ABCB10: variants seen among roughly 807,000 people sequenced by gnomAD.
ABCB10 encodes the protein ATP-binding cassette sub-family B member 10, mitochondrial.
Under a neutral mutation model 65.4 loss-of-function variants are expected in ABCB10, and 54 were observed. The observed-to-expected ratio is 0.83, with a 90% CI of 0.66 to 1.04. The LOEUF (loss-of-function observed/expected upper bound fraction) is 1.04. Ranked by LOEUF, ABCB10 falls within the 50% of genes least tolerant of loss-of-function variation. The pLI is 0.00. For missense variants in ABCB10, 846 were observed against 976.6 expected (o/e 0.87, Z 1.78); for synonymous variants, 418 against 406.5 (o/e 1.03, Z -0.34).
chr1:229,527,141 G>C, intron 9 of ABCB10, 88 bp downstream of exon 9: 1 of 1,240,622 alleles, frequency 8.1e-7, no homozygotes, highest in Non-Finnish European at 1.1e-6. Context: ...CTTCTCTCTT[G>C]AGAAGTTCGA....
In ABCB10 at chr1:229,526,132, A is replaced by G. The variant is rs1662438643; in HGVS notation, c.1726-16T>C. 6.2e-7 allele frequency: 1 copy of G among 1,601,578 alleles called. No individual in the cohort carries two copies. Among genetic ancestry groups the G allele is most frequent in the Non-Finnish European group, 8.5e-7 (1 of 1,174,040 alleles). ...AAATGGGTTCCTACAAATTGGAAAT[A>G]AAACATATCACGAATTTCAAACAGA... On this transcript the variant is annotated splice_polypyrimidine_tract_variant and intron_variant, in intron 9 of 12. Transcript: ENST00000344517.
intron 11 of ABCB10, among the ~76,000 whole-genome samples, chr1:229,519,951 C>T (rs1662265271): frequency 6.6e-6 from 1 of 151,918 alleles, no homozygotes; most frequent in Admixed American, 6.6e-5. Flanking sequence ...AATAGCAAGA[C>T]CCCATCTCTA....
At chr1:229,553,048 T>C (rs1318156133) in intron 1 of ABCB10, among the ~76,000 whole-genome samples, 1 of 151,900 alleles carries the variant, frequency 6.6e-6, no homozygotes, top group Non-Finnish European at 1.5e-5. Context: ...AGCCTCTAGA[T>C]TATAGAACAG....
chr1:229,549,040 G>T (rs12030329), intron 2 of ABCB10, among the ~76,000 whole-genome samples, 194 bp downstream of exon 2: 1 of 152,168 alleles, frequency 6.6e-6, no homozygotes, highest in Non-Finnish European at 1.5e-5. Context: ...AAGAAGAGTT[G>T]AGAGTGCTTG....
At chr1:229,539,229 A>T (rs550908288) in intron 6 of ABCB10, among the ~76,000 whole-genome samples, 1 of 152,350 alleles carries the variant, frequency 6.6e-6, no homozygotes, top group Admixed American at 6.5e-5. Flanking sequence ...GAGCTATAAG[A>T]GGCCTGCAAA....
At chr1:229,556,286 C>T (rs548498855) in intron 1 of ABCB10, among the ~76,000 whole-genome samples, 126 of 151,762 alleles carry the variant, frequency 8.3e-4, no homozygotes, top group Non-Finnish European at 1.5e-3. Context: ...GCAGGAAGAT[C>T]GCTTGAACCC....
chr1:229,544,716 TGGA>T (rs1266873852), intron 3 of ABCB10, among the ~76,000 whole-genome samples: 1 of 152,200 alleles, frequency 6.6e-6, no homozygotes, highest in Non-Finnish European at 1.5e-5. Flanking sequence ...TGGCTGTATT[TGGA>T]GATGGGGCCT....
chr1:229,524,809 A>T (rs1429724077), intron 10 of ABCB10, among the ~76,000 whole-genome samples: 1 of 152,124 alleles, frequency 6.6e-6, no homozygotes, highest in Non-Finnish European at 1.5e-5. Context: ...GCACACACAC[A>T]CAAAGAAGGA....
At chr1:229,539,337 T>G in intron 6 of ABCB10, 119 bp downstream of exon 6, 1 of 1,434,784 alleles carries the variant, frequency 7.0e-7, no homozygotes, top group Non-Finnish European at 9.7e-7. Flanking sequence ...ATAATAACAT[T>G]CTAGGAAATG....
intron 6 of ABCB10, among the ~76,000 whole-genome samples, chr1:229,533,160 G>C (rs1023017505): frequency 1.3e-5 from 2 of 150,814 alleles, no homozygotes. Flanking sequence ...ATTTTTTTTT[G>C]AGACGGAGTC....
At chr1:229,521,549 A>G in intron 11 of ABCB10, 43 bp downstream of exon 11, 6 of 1,557,826 alleles carry the variant, frequency 3.9e-6, no homozygotes, top group Non-Finnish European at 5.2e-6. Flanking sequence ...CCTAATAAAA[A>G]TAATCCCTAA....
chr1:229,527,115 C>T (rs780128114), intron 9 of ABCB10, 114 bp downstream of exon 9: 59 of 1,010,880 alleles, frequency 5.8e-5, no homozygotes, highest in Non-Finnish European at 8.0e-5. Context: ...TTAATACATC[C>T]CAAAGACTTC....
chr1:229,529,873 G>C (rs867357393), intron 8 of ABCB10, among the ~76,000 whole-genome samples: 26 of 152,172 alleles, frequency 1.7e-4, no homozygotes, highest in Middle Eastern at 6.8e-3. Context: ...TGGCTGCTGA[G>C]CACAGCCTCG....
At chr1:229,534,235 C>A (rs570656839) in intron 6 of ABCB10, among the ~76,000 whole-genome samples, 46 of 152,284 alleles carry the variant, frequency 3.0e-4, no homozygotes, top group African/African-American at 1.1e-3. Context: ...TACCATGCAT[C>A]TATCAGAATG....
rs12092100 is a variant in ABCB10, at chr1:229,533,299, T to C, written c.1340-1568A>G. Among the ~76,000 whole-genome samples, 1,373 of 152,116 alleles carry C rather than the reference T, an allele frequency of 9.0e-3. 21 individuals are homozygous for C. Among genetic ancestry groups the C allele is most frequent in the African/African-American group, 0.031 (1,294 of 41,468 alleles). Reference sequence around the variant, plus strand: ...CCACCATGCCTGGCTAATCTTTGTATTTTTAGTAGAGATGGGGTTTCACCA... The same window carrying C: ...CCACCATGCCTGGCTAATCTTTGTACTTTTAGTAGAGATGGGGTTTCACCA... On this transcript the variant is annotated intron_variant, in intron 6 of 12. Transcript: ENST00000344517.
At position 229,547,609 on chromosome 1, in the gene ABCB10, A is replaced by G. The variant is rs766549238; in HGVS notation, c.811T>C (p.Leu271=). ...AFFDKTRTGE[L]INRLSSDTAL... ...GTGTCTGATGAGAGGCGGTTAATCAATTCTCCTGTGCGAGTCTTGTCAAAG... is the reference window on the plus strand; with the variant it reads ...GTGTCTGATGAGAGGCGGTTAATCAGTTCTCCTGTGCGAGTCTTGTCAAAG... The change falls in exon 3 of 13, where the codon TTG becomes CTG. Residue 271 remains leucine, a synonymous_variant. Coordinates refer to ENST00000344517, the MANE Select transcript of ABCB10 (RefSeq NM_012089.3). 9 of 1,614,094 alleles carry G rather than the reference A, an allele frequency of 5.6e-6. No individual in the cohort carries two copies. In the South Asian group the frequency reaches 8.8e-5, roughly 16 times the overall value.
intron 6 of ABCB10, among the ~76,000 whole-genome samples, chr1:229,536,410 G>A (rs929538559): frequency 6.6e-6 from 1 of 152,130 alleles, no homozygotes; most frequent in Admixed American, 6.6e-5. Context: ...AGGAGGCTGA[G>A]GCGGAAGGAT....
chr1:229,557,228 TCACAGGCCC>T (rs112298919), intron 1 of ABCB10, among the ~76,000 whole-genome samples: 45,881 of 151,678 alleles, frequency 0.3, 8,708 homozygotes, highest in African/African-American at 0.54. Flanking sequence ...CCTGACAACC[TCACAGGCCC>T]CACAGGCCCC....
chr1:229,538,949 T>C (rs1662781138), intron 6 of ABCB10, among the ~76,000 whole-genome samples: 1 of 152,192 alleles, frequency 6.6e-6, no homozygotes, highest in East Asian at 1.9e-4. Context: ...CTCTCACAGA[T>C]TCTTAATAAA....
Sources: gnomAD v4.1 joint callset for allele counts (sites outside exome capture counted in the v4.1 genomes callset) on GRCh38, gnomAD v4.1.1 for gene constraint, MANE v1.5 for transcripts, NCBI Gene and HGNC (gene_info 2026-07-23, HGNC 2026-07-21) for gene names.